The following PKP1 variants were observed in gnomAD, a reference collection of about 807,000 sequenced individuals.
PKP1 encodes plakophilin-1.
PKP1 carries 27 observed loss-of-function variants against 76.4 expected under a neutral mutation model. The ratio of observed to expected loss-of-function variants is 0.35; its 90% CI spans 0.26 to 0.49. The LOEUF is 0.49. PKP1 is among the 20% of genes least tolerant of loss of function. PKP1 has a pLI of 0.99. For missense variants in PKP1, 964 were observed against 955.2 expected (o/e 1.01, Z -0.12); for synonymous variants, 404 against 384.2 (o/e 1.05, Z -0.60).
intron 1 of PKP1, among the ~76,000 whole-genome samples, chr1:201,285,220 CCACACACACACACACACA>C (rs140683611): frequency 0.015 from 2,044 of 136,838 alleles, 55 homozygotes; most frequent in African/African-American, 0.051. Context: ...GGCCCTTCCA[CCACACACACACACACACA>C]CACACACACA....
intron 10 of PKP1, 21 bp downstream of exon 10, chr1:201,324,602 C>T (rs1276824012): frequency 2.5e-6 from 4 of 1,613,528 alleles, no homozygotes; most frequent in Non-Finnish European, 3.4e-6. Context: ...TCTCTCTCCT[C>T]CCCCTCTAGC....
chr1:201,324,807 G>T (rs1657061338), intron 10 of PKP1, 134 bp from the exon 11 acceptor site: 1 of 1,052,772 alleles, frequency 9.5e-7, no homozygotes, highest in Non-Finnish European at 1.4e-6. Flanking sequence ...AGTTGGAGCT[G>T]CCAGGAAGCC....
chr1:201,315,764 T>A (rs957844452), intron 3 of PKP1, among the ~76,000 whole-genome samples: 1 of 152,374 alleles, frequency 6.6e-6, no homozygotes, highest in South Asian at 2.1e-4. Flanking sequence ...GACATCAGGC[T>A]AAGCTGTTTA....
chr1:201,320,046 C>G (rs1363040823), intron 6 of PKP1: 5 of 752,628 alleles, frequency 6.6e-6, no homozygotes, highest in Non-Finnish European at 1.2e-5. Flanking sequence ...TCTTTCCTTC[C>G]GTTTTCATCT....
At chr1:201,294,711 T>C (rs185484963) in intron 2 of PKP1, among the ~76,000 whole-genome samples, 8 of 152,392 alleles carry the variant, frequency 5.2e-5, no homozygotes, top group Non-Finnish European at 1.0e-4. Context: ...GATTATTTGT[T>C]AAATTAACAT....
chr1:201,332,667 C>T lies in PKP1; in HGVS notation c.*2626C>T, dbSNP rs1043133055. On this transcript the variant is annotated 3_prime_UTR_variant, in exon 14 of 14. Transcript: ENST00000367324. The stretch of plus-strand genomic sequence containing the variant: ...AAATCCAGTCATTGGCCACCAGCCA[C>T]CTCTGCAGTGGGGACCACACTAGCA... The T allele has an allele frequency of 6.6e-6, 1 of 152,262 alleles. No individual in the cohort carries two copies. Among genetic ancestry groups the T allele is most frequent in the African/African-American group, 2.4e-5 (1 of 41,450 alleles). 9.4% of individuals were successfully genotyped at this position (152,262 alleles called of 1,614,324 possible).
At chr1:201,287,418 A>G (rs1450679786) in intron 1 of PKP1, among the ~76,000 whole-genome samples, 4 of 152,260 alleles carry the variant, frequency 2.6e-5, no homozygotes, top group Middle Eastern at 3.4e-3. Flanking sequence ...CTTCTGCCCG[A>G]GTGTTCTGCT....
chr1:201,283,593 G>C lies in PKP1; in HGVS notation c.-110G>C. The stretch of plus-strand genomic sequence containing the variant: ...GGACCACGCACTCTATGGCCGTAGG[G>C]AGCCGCTGAGAGCGAGAAGAGCACG... On this transcript the variant is annotated 5_prime_UTR_variant, in exon 1 of 14. Transcript: ENST00000367324. 2.1e-6 allele frequency: 2 copies of C among 953,254 alleles called. No individual in the cohort carries two copies. Among genetic ancestry groups the C allele is most frequent in the South Asian group, 2.8e-5 (2 of 71,758 alleles). The allele number at this position is 953,254 out of a possible 1,614,324, so 59.0% of individuals were successfully genotyped here.
chr1:201,308,901 C>G (rs187432540), intron 2 of PKP1, among the ~76,000 whole-genome samples: 127 of 152,188 alleles, frequency 8.3e-4, no homozygotes, highest in African/African-American at 2.9e-3. Context: ...CTGGAGTGGC[C>G]TGGTGGTAAG....
chr1:201,308,514 A>G (rs566180063), intron 2 of PKP1, among the ~76,000 whole-genome samples: 1 of 152,344 alleles, frequency 6.6e-6, no homozygotes, highest in South Asian at 2.1e-4. Flanking sequence ...AACTCTGGTC[A>G]TTATGGAGAC....
Position 201,283,716 on chromosome 1 carries a change from C to G in PKP1, c.14C>G (p.Pro5Arg). Residue 5 changes from proline (P) to arginine (R), a missense_variant, in exon 1 of 14, where the codon CCG becomes CGG. Coordinates refer to ENST00000367324, the MANE Select transcript of PKP1 (RefSeq NM_001005337.3). Reference sequence around the variant, plus strand: ...CCTCCCGCCACCATGAACCACTCGCCGCTCAAGACCGCCTTGGCGTACGAA... The same window carrying G: ...CCTCCCGCCACCATGAACCACTCGCGGCTCAAGACCGCCTTGGCGTACGAA... MNHS[P>R]LKTALAYECF... 1 of 1,613,860 alleles carries G rather than the reference C, an allele frequency of 6.2e-7. No individual in the cohort carries two copies. Among genetic ancestry groups the G allele is most frequent in the South Asian group, 1.1e-5 (1 of 91,040 alleles).
intron 1 of PKP1, among the ~76,000 whole-genome samples, chr1:201,286,615 A>G (rs1369363500): frequency 6.6e-6 from 1 of 152,188 alleles, no homozygotes; most frequent in African/African-American, 2.4e-5. Flanking sequence ...TGCCCTGGTC[A>G]TGAAGGCCCC....
rs1656997343 is a variant in PKP1 at position 201,323,041 on chromosome 1, A to T, written c.1532A>T (p.Glu511Val). Residue 511 changes from glutamate (E) to valine (V), a missense_variant, in exon 9 of 14, where the codon GAG becomes GTG. Physicochemically the swap from Glu to Val is moderately radical, Grantham distance 121. Coordinates refer to ENST00000367324, the MANE Select transcript of PKP1 (RefSeq NM_001005337.3). Reference sequence around the variant, plus strand: ...AACAACTATGACTGCCCCCTGCCTGAGGAAGAGACCAACCCCAAGGGCAGC... The same window carrying T: ...AACAACTATGACTGCCCCCTGCCTGTGGAAGAGACCAACCCCAAGGGCAGC... ...MNNNYDCPLP[E>V]EETNPKGSGW... 1.2e-6 allele frequency: 2 copies of T among 1,614,094 alleles called. No individual in the cohort carries two copies. The highest frequency in any genetic ancestry group is 1.7e-6 in the Non-Finnish European group (2 of 1,180,002).
intron 2 of PKP1, among the ~76,000 whole-genome samples, chr1:201,301,554 G>T (rs1341525973): frequency 1.3e-5 from 2 of 152,052 alleles, no homozygotes; most frequent in African/African-American, 4.8e-5. Context: ...ACAATTCCCT[G>T]GCCACAGAGA....
At chr1:201,317,340 C>A (rs1029752723) in intron 4 of PKP1, among the ~76,000 whole-genome samples, 5 of 152,124 alleles carry the variant, frequency 3.3e-5, no homozygotes, top group African/African-American at 9.7e-5. Flanking sequence ...GAGGTTCTCC[C>A]AGCTAGGATA....
Position 201,313,507 on chromosome 1 carries a change from G to T in PKP1, c.648G>T (p.Pro216=). The change falls in exon 3 of 14, where the codon CCG becomes CCT. Residue 216 remains proline (P), a synonymous_variant. Transcript: ENST00000367324. ...CASKQDPVYI[P]PISCNKDLSF... The stretch of plus-strand genomic sequence containing the variant: ...CCAAGCAGGACCCTGTGTATATCCC[G>T]CCCATCTCCTGCAACAAGGACCTGT... 2 of 1,613,966 alleles carry T rather than the reference G, an allele frequency of 1.2e-6. No individual in the cohort carries two copies. Among genetic ancestry groups the T allele is most frequent in the Non-Finnish European group, 8.5e-7 (1 of 1,179,982 alleles).
In PKP1 at chr1:201,316,661, G is replaced by A. The variant is rs376127281; in HGVS notation, c.810G>A (p.Gln270=). ...AGGCCATTGGGGCCTATTACATCCA[G>A]CATACCTGCTTCCAGGATGAATCTG... ...KYQAIGAYYI[Q]HTCFQDESAK... is the part of the protein sequence containing the mutation. The change falls in exon 4 of 14, where the codon CAG becomes CAA. Residue 270 remains glutamine, a synonymous_variant. Coordinates refer to ENST00000367324, the MANE Select transcript of PKP1 (RefSeq NM_001005337.3). 6.2e-7 allele frequency: 1 copy of A among 1,613,948 alleles called. No individual in the cohort carries two copies. Among genetic ancestry groups the A allele is most frequent in the Non-Finnish European group, 8.5e-7 (1 of 1,179,996 alleles).
chr1:201,326,276 T>C (rs1157470550), intron 12 of PKP1, among the ~76,000 whole-genome samples: 2 of 152,208 alleles, frequency 1.3e-5, no homozygotes, highest in African/African-American at 4.8e-5. Context: ...AAGTTTTGAA[T>C]AGAGGGTTTC....
rs538942236 is a variant in PKP1, at chr1:201,324,821, A to G, written c.1835-120A>G. On this transcript the variant is annotated intron_variant, in intron 10 of 13. Coordinates refer to ENST00000367324, the MANE Select transcript of PKP1 (RefSeq NM_001005337.3). ...GAGTTGGAGCTGCCAGGAAGCCCTG[A>G]GGGCCACCTGGCTCAGAGCCCGGCA... is the stretch of plus-strand genomic sequence containing the variant. The G allele has an allele frequency of 4.7e-5, 54 of 1,138,296 alleles. No homozygotes were observed. In the South Asian group the frequency reaches 6.8e-4, roughly 14 times the overall value. The allele number at this position is 1,138,296 out of a possible 1,614,324, so 70.5% of individuals were successfully genotyped here.
Sources: allele counts gnomAD v4.1 joint callset (sites outside exome capture counted in the v4.1 genomes callset), GRCh38; gene constraint gnomAD v4.1.1; transcripts MANE v1.5; gene names NCBI Gene and HGNC (gene_info 2026-07-23, HGNC 2026-07-21).